FCRL1: variants seen among roughly 807,000 people sequenced by gnomAD.
FCRL1 encodes the protein Fc receptor-like protein 1.
In FCRL1, 34 loss-of-function variants were observed where a neutral mutation model predicts 49.2. The ratio of observed to expected loss-of-function variants is 0.69; its 90% CI spans 0.53 to 0.92. The LOEUF (loss-of-function observed/expected upper bound fraction) is 0.92, where lower values mean the gene tolerates loss of function less well. Ranked by LOEUF, FCRL1 falls within the 40% of genes least tolerant of loss-of-function variation. The pLI is 0.00. For missense variants in FCRL1, 524 were observed against 524.1 expected (o/e 1.00, Z 0.00); for synonymous variants, 218 against 201.6 (o/e 1.08, Z -0.69).
rs1291786376 is a variant in FCRL1 at position 157,820,073 on chromosome 1, CTCA to C, written c.-39_-37del. ...TCAGGGATGGTACCTAGAGATGCCTCTCATCAAAAAAAGAATGCACCTCAGAGT... is the reference window on the plus strand; with the variant it reads ...TCAGGGATGGTACCTAGAGATGCCTCTCAAAAAAAGAATGCACCTCAGAGT... On this transcript the variant is annotated 5_prime_UTR_variant, in exon 1 of 11. The change abolishes an upstream ATG in the 5' untranslated region. Coordinates refer to ENST00000368176, the MANE Select transcript of FCRL1 (RefSeq NM_052938.5). The C allele has an allele frequency of 1.2e-6, 2 of 1,613,318 alleles. No individual in the cohort carries two copies. Among genetic ancestry groups the C allele is most frequent in the Non-Finnish European group, 1.7e-6 (2 of 1,179,592 alleles).
chr1:157,799,025 G>C (rs982851353), intron 7 of FCRL1, among the ~76,000 whole-genome samples: 2 of 152,140 alleles, frequency 1.3e-5, no homozygotes, highest in Non-Finnish European at 2.9e-5. Flanking sequence ...TTATGAGACA[G>C]AGTCTTGCTC....
intron 1 of FCRL1, among the ~76,000 whole-genome samples, chr1:157,816,100 AG>A (rs1430835484): frequency 5.3e-5 from 8 of 151,924 alleles, no homozygotes; most frequent in African/African-American, 1.9e-4. Context: ...ACTCATTCTA[AG>A]AGGCTAATAT....
intron 1 of FCRL1, among the ~76,000 whole-genome samples, chr1:157,811,764 C>A (rs1164999146): frequency 6.6e-6 from 1 of 152,316 alleles, no homozygotes; most frequent in Non-Finnish European, 1.5e-5. Context: ...ATCATGCTTA[C>A]ACACAGTAGT....
intron 7 of FCRL1, among the ~76,000 whole-genome samples, chr1:157,799,816 T>G (rs1652139158): frequency 6.6e-6 from 1 of 152,090 alleles, no homozygotes; most frequent in Non-Finnish European, 1.5e-5. Context: ...AAAAAAATTC[T>G]GCAGTGGTAT....
chr1:157,808,101 A>T (rs1653750170), intron 1 of FCRL1, among the ~76,000 whole-genome samples: 1 of 152,234 alleles, frequency 6.6e-6, no homozygotes. Flanking sequence ...GAGAGAGCAT[A>T]AAATCATATT....
intron 1 of FCRL1, among the ~76,000 whole-genome samples, chr1:157,811,400 C>A (rs1427325041): frequency 6.6e-6 from 1 of 152,196 alleles, no homozygotes; most frequent in East Asian, 1.9e-4. Flanking sequence ...TCTCCTCAGT[C>A]AGGATCAGCT....
Position 157,797,918 on chromosome 1 carries a change from T to C in FCRL1, c.1136A>G (p.Glu379Gly). 2 of 1,614,162 alleles carry C rather than the reference T, an allele frequency of 1.2e-6. No homozygotes were observed. The highest frequency in any genetic ancestry group is 1.7e-6 in the Non-Finnish European group (2 of 1,180,010). Reference sequence around the variant, plus strand: ...GTTATAGTACGCCAGTGAATAAACCTCATCCCCACTTACAACATTCACTGC... The same window carrying C: ...GTTATAGTACGCCAGTGAATAAACCCCATCCCCACTTACAACATTCACTGC... ...YENVNVVSGD[E>G]VYSLAYYNQP... The change falls in exon 9 of 11, where the codon GAG (glutamate) becomes GGG (glycine). Residue 379 changes from glutamate to glycine, a missense_variant. Coordinates refer to ENST00000368176, the MANE Select transcript of FCRL1 (RefSeq NM_052938.5).
Position 157,798,240 on chromosome 1 carries a change from G to T in FCRL1, c.1035C>A (p.Ser345Arg), listed in dbSNP as rs149687405. The T allele has an allele frequency of 1.4e-5, 22 of 1,609,338 alleles. No homozygotes were observed. Among genetic ancestry groups the T allele is most frequent in the Non-Finnish European group, 1.9e-5 (22 of 1,177,804 alleles). The change falls in exon 8 of 11, where the codon AGC becomes AGA. Residue 345 changes from serine to arginine, a missense_variant. Physicochemically the swap from Ser to Arg is moderately radical, Grantham distance 110 (BLOSUM62 -1). Coordinates refer to ENST00000368176, the MANE Select transcript of FCRL1 (RefSeq NM_052938.5). ...GRRSARDPLR[S>R]LPSPLPQEFT... Reference sequence around the variant, plus strand: ...ACTCTTGGGGTAGAGGGCTGGGAAGGCTCCTGCAAACACAGAGACACATGT... The same window carrying T: ...ACTCTTGGGGTAGAGGGCTGGGAAGTCTCCTGCAAACACAGAGACACATGT...
Position 157,795,808 on chromosome 1 carries a change from T to C in FCRL1, c.*291A>G. The C allele has an allele frequency of 3.5e-6, 1 of 286,238 alleles. No individual in the cohort carries two copies. Among genetic ancestry groups the C allele is most frequent in the Non-Finnish European group, 6.7e-6 (1 of 149,412 alleles). The allele number at this position is 286,238 out of a possible 1,614,324, so 17.7% of individuals were successfully genotyped here. A position where few individuals can be genotyped will look rare whatever the true frequency, so the allele number is the denominator to read the frequency against. On this transcript the variant is annotated 3_prime_UTR_variant, in exon 11 of 11. Coordinates refer to ENST00000368176, the MANE Select transcript of FCRL1 (RefSeq NM_052938.5). ...GATCCCAATTTCTTTTATTCCATCT[T>C]GTTTCCTCTTGTAAACAGAAGAGCA...
At chr1:157,798,595 G>A (rs541770473) in intron 7 of FCRL1, among the ~76,000 whole-genome samples, 57 of 152,108 alleles carry the variant, frequency 3.7e-4, no homozygotes, top group African/African-American at 1.3e-3. Context: ...GCAACTTGAG[G>A]AAGGGGCAGA....
At chr1:157,804,247 C>CT in intron 2 of FCRL1, 136 bp from the exon 3 acceptor site, 1 of 407,400 alleles carries the variant, frequency 2.5e-6, no homozygotes, top group Admixed American at 5.4e-5. Context: ...CATGTCTCCA[C>CT]CCCCCCCCCA....
At chr1:157,797,180 C>A (rs1244265473) in intron 9 of FCRL1, 48 bp from the exon 10 acceptor site, 2 of 1,573,050 alleles carry the variant, frequency 1.3e-6, no homozygotes, top group South Asian at 1.1e-5. Context: ...TATTTAAAGT[C>A]CTTCACTAAA....
chr1:157,820,073 C>T lies in FCRL1; in HGVS notation c.-36G>A. ...TCAGGGATGGTACCTAGAGATGCCTCTCATCAAAAAAAGAATGCACCTCAG... is the reference window on the plus strand; with the variant it reads ...TCAGGGATGGTACCTAGAGATGCCTTTCATCAAAAAAAGAATGCACCTCAG... On this transcript the variant is annotated 5_prime_UTR_variant, in exon 1 of 11. Transcript: ENST00000368176. 5 of 1,613,436 alleles carry T rather than the reference C, an allele frequency of 3.1e-6. No homozygotes were observed. The highest frequency in any genetic ancestry group is 4.2e-6 in the Non-Finnish European group (5 of 1,179,584).
chr1:157,795,839 T>C lies in FCRL1; in HGVS notation c.*260A>G, dbSNP rs949882687. The C allele has an allele frequency of 2.5e-6, 1 of 407,676 alleles. No homozygotes were observed. Among genetic ancestry groups the C allele is most frequent in the African/African-American group, 2.0e-5 (1 of 50,584 alleles). 25.3% of individuals were successfully genotyped at this position (407,676 alleles called of 1,614,324 possible). A position where few individuals can be genotyped will look rare whatever the true frequency, so the allele number is the denominator to read the frequency against. Reference sequence around the variant, plus strand: ...CTCTTGTAAACAGAAGAGCACAATATGACCTGTTTTCAAAGGAGCCGGCAG... The same window carrying C: ...CTCTTGTAAACAGAAGAGCACAATACGACCTGTTTTCAAAGGAGCCGGCAG... On this transcript the variant is annotated 3_prime_UTR_variant, in exon 11 of 11. Coordinates refer to ENST00000368176, the MANE Select transcript of FCRL1 (RefSeq NM_052938.5).
At position 157,794,759 on chromosome 1, in the gene FCRL1, C is replaced by T. The variant is rs1651239194; in HGVS notation, c.*1340G>A. ...GTACTTAATGCCACTGAATTGTACA[C>T]TTAAAAATGGTTAAAATGATCAATT... is the stretch of plus-strand genomic sequence containing the variant. On this transcript the variant is annotated 3_prime_UTR_variant, in exon 11 of 11. Transcript: ENST00000368176. 1 of 151,952 alleles carries T rather than the reference C, an allele frequency of 6.6e-6. No homozygotes were observed. Among genetic ancestry groups the T allele is most frequent in the South Asian group, 2.1e-4 (1 of 4,824 alleles). 9.4% of individuals were successfully genotyped at this position (151,952 alleles called of 1,614,324 possible). A position where few individuals can be genotyped will look rare whatever the true frequency, so the allele number is the denominator to read the frequency against.
rs188019608 is a variant in FCRL1 at position 157,807,150 on chromosome 1, A to G, written c.32-28T>C. Reference sequence around the variant, plus strand: ...GGGAGAGAATTCAGCAGAGATCAGTACAGAGCAGCAAATCCCACAAATCTC... The same window carrying G: ...GGGAGAGAATTCAGCAGAGATCAGTGCAGAGCAGCAAATCCCACAAATCTC... On this transcript the variant is annotated intron_variant, in intron 1 of 10. Transcript: ENST00000368176. The G allele has an allele frequency of 4.0e-5, 65 of 1,608,654 alleles. No individual in the cohort carries two copies. In the African/African-American group the frequency reaches 8.1e-4, roughly 20 times the overall value.
intron 1 of FCRL1, 135 bp downstream of exon 1, chr1:157,819,872 C>A: frequency 1.0e-6 from 1 of 983,954 alleles, no homozygotes; most frequent in African/African-American, 1.6e-5. Flanking sequence ...CTGAGCCCTC[C>A]GTGGAAGTGG....
At chr1:157,798,307 C>T (rs1161842871) in intron 7 of FCRL1, 64 bp from the exon 8 acceptor site, 3 of 1,348,418 alleles carry the variant, frequency 2.2e-6, no homozygotes, top group South Asian at 2.7e-5. Context: ...AGATATCACA[C>T]TGAAGGAGAG....
In FCRL1 at chr1:157,796,185, T is replaced by C; in HGVS notation, c.1219-15A>G. ...TCTAAGGAAACCTGGAAGCAAAGAT[T>C]AGGACTAGAGCAGGGAAGACAAGCA... On this transcript the variant is annotated splice_polypyrimidine_tract_variant and intron_variant, in intron 10 of 10. Transcript: ENST00000368176. 6.2e-7 allele frequency: 1 copy of C among 1,611,312 alleles called. No individual in the cohort carries two copies. The highest frequency in any genetic ancestry group is 8.5e-7 in the Non-Finnish European group (1 of 1,177,578).
Sources: allele counts gnomAD v4.1 joint callset (sites outside exome capture counted in the v4.1 genomes callset), GRCh38; gene constraint gnomAD v4.1.1; transcripts MANE v1.5; gene names NCBI Gene and HGNC (gene_info 2026-07-23, HGNC 2026-07-21).